ADAMTSL1: variants seen among roughly 807,000 people sequenced by gnomAD.
ADAMTSL1 encodes ADAMTS-like protein 1.
In ADAMTSL1, 126 loss-of-function variants were observed where a neutral mutation model predicts 201.8. The observed-to-expected ratio is 0.62, with a 90% confidence interval of 0.54 to 0.72. The LOEUF (loss-of-function observed/expected upper bound fraction) is 0.72, where lower values mean the gene tolerates loss of function less well. Among genes scored for constraint, ADAMTSL1 ranks in the 30% least tolerant of loss-of-function variants. The probability of loss-of-function intolerance (pLI) is 0.00; values close to 1 mark genes in which losing one functional copy is unlikely to be tolerated. For missense variants in ADAMTSL1, 2,679 were observed against 2,277.8 expected (o/e 1.18, Z -3.59); for synonymous variants, 1,121 against 903.4 (o/e 1.24, Z -4.32).
chr9:18,563,576 G>A (rs1314550199), intron 3 of ADAMTSL1, among the ~76,000 whole-genome samples: 1 of 152,204 alleles, frequency 6.6e-6, no homozygotes, highest in Non-Finnish European at 1.5e-5. Flanking sequence ...AGAGCCAGCA[G>A]GCAGGAACGT....
At chr9:18,725,216 C>CT (rs1251377723) in intron 15 of ADAMTSL1, among the ~76,000 whole-genome samples, 3 of 152,114 alleles carry the variant, frequency 2.0e-5, no homozygotes, top group Non-Finnish European at 4.4e-5. Flanking sequence ...AGGATTGAAC[C>CT]TTTTATGTTA....
chr9:18,627,419 C>A (rs1826459441), intron 5 of ADAMTSL1, among the ~76,000 whole-genome samples: 1 of 152,128 alleles, frequency 6.6e-6, no homozygotes, highest in South Asian at 2.1e-4. Context: ...TAACTAATTA[C>A]CACAGACTAA....
intron 20 of ADAMTSL1, among the ~76,000 whole-genome samples, chr9:18,798,821 TCTA>T (rs1822596223): frequency 6.6e-6 from 1 of 152,234 alleles, no homozygotes; most frequent in South Asian, 2.1e-4. Flanking sequence ...TCATTTCAGT[TCTA>T]CTTCTTATTC....
intron 9 of ADAMTSL1, among the ~76,000 whole-genome samples, chr9:18,664,080 C>CCCAACATTT (rs1829278067): frequency 6.6e-6 from 1 of 152,016 alleles, no homozygotes; most frequent in Non-Finnish European, 1.5e-5. Context: ...AGGCAAATGT[C>CCCAACATTT]AGGAAGCTGC....
At chr9:18,282,411 T>C (rs76497043) in intron 2 of ADAMTSL1, among the ~76,000 whole-genome samples, 1 of 152,348 alleles carries the variant, frequency 6.6e-6, no homozygotes, top group African/African-American at 2.4e-5. Flanking sequence ...TCATGATTTA[T>C]TTTCGTTTGC....
intron 14 of ADAMTSL1, chr9:18,718,642 G>A (rs547639024): frequency 1.7e-5 from 6 of 359,604 alleles, no homozygotes; most frequent in Admixed American, 1.5e-4. Flanking sequence ...CGCTGCCGCC[G>A]CCGCTCCAGC....
intron 2 of ADAMTSL1, among the ~76,000 whole-genome samples, chr9:18,382,708 G>A (rs1313788431): frequency 6.6e-6 from 1 of 152,088 alleles, no homozygotes; most frequent in African/African-American, 2.4e-5. Context: ...GTGTGAGACT[G>A]CATTATGAAC....
At chr9:18,895,416 A>G (rs1232238694) in intron 26 of ADAMTSL1, among the ~76,000 whole-genome samples, 1 of 138,296 alleles carries the variant, frequency 7.2e-6, no homozygotes, top group Non-Finnish European at 1.5e-5. Context: ...ATTTTCGTTC[A>G]TCCTTGCCCC....
intron 2 of ADAMTSL1, among the ~76,000 whole-genome samples, chr9:18,513,843 G>A (rs902912642): frequency 2.6e-5 from 4 of 152,132 alleles, no homozygotes; most frequent in Admixed American, 2.0e-4. Context: ...ACACCAAGGT[G>A]TCTTTACACT....
At chr9:18,414,598 C>T (rs1221478259) in intron 2 of ADAMTSL1, among the ~76,000 whole-genome samples, 1 of 152,188 alleles carries the variant, frequency 6.6e-6, no homozygotes, top group Non-Finnish European at 1.5e-5. Context: ...ATTGCTCTAA[C>T]TTACTTCCTT....
chr9:18,581,887 T>A (rs150456311), intron 4 of ADAMTSL1, among the ~76,000 whole-genome samples: 29 of 152,164 alleles, frequency 1.9e-4, no homozygotes, highest in African/African-American at 7.0e-4. Flanking sequence ...GGAGGTAGAG[T>A]CAGCCCAGGC....
intron 2 of ADAMTSL1, among the ~76,000 whole-genome samples, chr9:18,283,314 C>T (rs1052160603): frequency 6.6e-6 from 1 of 152,046 alleles, no homozygotes; most frequent in African/African-American, 2.4e-5. Context: ...TTACTTTAAA[C>T]CTATCTTTAA....
At chr9:18,600,741 A>G (rs1280877017) in intron 4 of ADAMTSL1, among the ~76,000 whole-genome samples, 1 of 152,208 alleles carries the variant, frequency 6.6e-6, no homozygotes, top group African/African-American at 2.4e-5. Flanking sequence ...TTGATGCCAC[A>G]TTAAAGGCTT....
At chr9:17,955,159 G>C (rs904740204) in intron 1 of ADAMTSL1, among the ~76,000 whole-genome samples, 3 of 152,068 alleles carry the variant, frequency 2.0e-5, no homozygotes, top group African/African-American at 4.8e-5. Flanking sequence ...GAATATACAT[G>C]CCATGACTTT....
intron 21 of ADAMTSL1, among the ~76,000 whole-genome samples, chr9:18,824,419 G>C (rs1588171362): frequency 1.3e-5 from 2 of 152,318 alleles, no homozygotes; most frequent in Admixed American, 1.3e-4. Context: ...GCCTCTCTCT[G>C]ATGTGACAAG....
intron 1 of ADAMTSL1, among the ~76,000 whole-genome samples, chr9:18,157,441 A>T (rs535220895): frequency 1.3e-5 from 2 of 152,002 alleles, no homozygotes; most frequent in Admixed American, 1.3e-4. Flanking sequence ...TGCTAGGGTA[A>T]TGGAGTTTCT....
intron 2 of ADAMTSL1, among the ~76,000 whole-genome samples, chr9:18,333,885 C>T (rs971859439): frequency 6.6e-6 from 1 of 152,118 alleles, no homozygotes; most frequent in African/African-American, 2.4e-5. Flanking sequence ...CTAACTAGAG[C>T]AGTCAGGCCT....
At chr9:17,990,012 G>A (rs1225308879) in intron 1 of ADAMTSL1, among the ~76,000 whole-genome samples, 2 of 151,256 alleles carry the variant, frequency 1.3e-5, no homozygotes, top group African/African-American at 2.4e-5. Context: ...TTCATGTTAG[G>A]GCAAAACAAA....
Position 18,235,974 on chromosome 9 carries a change from T to G in ADAMTSL1, c.207+71993T>G, listed in dbSNP as rs769327811. On this transcript the variant is annotated intron_variant, in intron 2 of 29. Coordinates refer to the ADAMTSL1 transcript ENST00000680146. ...GTAAATTCATGGGCAAGATGATGCTTTTGTAGGTTACTGTTCTTAGAAGTT... is the reference window on the plus strand; with the variant it reads ...GTAAATTCATGGGCAAGATGATGCTGTTGTAGGTTACTGTTCTTAGAAGTT... Among the ~76,000 whole-genome samples the G allele has an allele frequency of 3.3e-5, 5 of 152,354 alleles. 1 individual carries two copies. Among genetic ancestry groups the G allele is most frequent in the Admixed American group, 3.3e-4 (5 of 15,302 alleles).
Sources: allele counts gnomAD v4.1 joint callset (sites outside exome capture counted in the v4.1 genomes callset), GRCh38; gene constraint gnomAD v4.1.1; transcripts MANE v1.5; gene names NCBI Gene and HGNC (gene_info 2026-07-23, HGNC 2026-07-21).